DYNC1I1: variants seen among roughly 807,000 people sequenced by gnomAD.
DYNC1I1 encodes cytoplasmic dynein 1 intermediate chain 1.
Under a neutral mutation model 86.6 loss-of-function variants are expected in DYNC1I1, and 43 were observed. The ratio of observed to expected loss-of-function variants is 0.50; its 90% CI spans 0.39 to 0.64. The LOEUF (loss-of-function observed/expected upper bound fraction) is 0.64, where lower values mean the gene tolerates loss of function less well. DYNC1I1 is among the 30% of genes least tolerant of loss of function. DYNC1I1 has a pLI of 0.00. For synonymous variants in DYNC1I1, 262 were observed against 283.7 expected (o/e 0.92, Z 0.77); for missense variants, 604 against 788.8 (o/e 0.77, Z 2.81).
chr7:95,780,686 T>G (rs1325300886), intron 1 of DYNC1I1, among the ~76,000 whole-genome samples: 1 of 152,178 alleles, frequency 6.6e-6, no homozygotes, highest in African/African-American at 2.4e-5. Context: ...AGAAGTCCTC[T>G]CTTTCTGAAT....
At position 95,842,805 on chromosome 7, in the gene DYNC1I1, TGA is replaced by T. The variant is rs1441556980; in HGVS notation, c.374+14693_374+14694del. 5.9e-5 allele frequency among the ~76,000 whole-genome samples: 9 copies of T among 152,136 alleles called. No individual in the cohort carries two copies. In the East Asian group the frequency reaches 1.5e-3, roughly 26 times the overall value. On this transcript the variant is annotated intron_variant, in intron 5 of 16. Coordinates refer to ENST00000447467, the MANE Select transcript of DYNC1I1 (RefSeq NM_001135556.2). The stretch of plus-strand genomic sequence containing the variant: ...TTTATTTGATGCTCTATGGGTGGAG[TGA>T]GAGTTCTCAGCCTCCTATTCTGTTT...
chr7:95,896,340 G>A (rs989698023), intron 6 of DYNC1I1, among the ~76,000 whole-genome samples: 25 of 152,112 alleles, frequency 1.6e-4, no homozygotes, highest in African/African-American at 6.0e-4. Context: ...CAAAATATGA[G>A]GCAAAAGGGT....
chr7:96,020,002 A>C (rs1794502466), intron 10 of DYNC1I1, among the ~76,000 whole-genome samples: 1 of 151,884 alleles, frequency 6.6e-6, no homozygotes, highest in African/African-American at 2.4e-5. Flanking sequence ...CCTGTTCCAT[A>C]GGTAGGGCAA....
intron 6 of DYNC1I1, among the ~76,000 whole-genome samples, chr7:95,954,779 G>T (rs1314731823): frequency 1.3e-5 from 2 of 151,886 alleles, no homozygotes; most frequent in Non-Finnish European, 2.9e-5. Flanking sequence ...AGCCAGGCGT[G>T]GTGGCGGGCG....
At chr7:95,816,306 G>A (rs1401041622) in intron 4 of DYNC1I1, among the ~76,000 whole-genome samples, 1 of 152,198 alleles carries the variant, frequency 6.6e-6, no homozygotes, top group East Asian at 1.9e-4. Context: ...ATAGGCGTGA[G>A]CCACTGCACT....
rs1013894964 is a variant in DYNC1I1 at position 95,904,179 on chromosome 7, A to G, written c.490+34181A>G. 3.9e-5 allele frequency among the ~76,000 whole-genome samples: 6 copies of G among 152,176 alleles called. No homozygotes were observed. In the South Asian group the frequency reaches 6.2e-4, roughly 16 times the overall value. ...AAATCTGGCAACTGCATTATGGTGC[A>G]AGGGCATCACATCACAGAATCCACA... On this transcript the variant is annotated intron_variant, in intron 6 of 16. Coordinates refer to ENST00000447467, the MANE Select transcript of DYNC1I1 (RefSeq NM_001135556.2).
In DYNC1I1 at chr7:96,075,993, G is replaced by A. The variant is rs1043478435; in HGVS notation, c.1510-64G>A. 7.7e-6 allele frequency: 12 copies of A among 1,558,154 alleles called. No homozygotes were observed. In the Admixed American group the frequency reaches 1.4e-4, roughly 18 times the overall value. On this transcript the variant is annotated intron_variant, in intron 14 of 16. Transcript: ENST00000447467. ...GTGAATGTGCAAAGTTTTTAATTAG[G>A]CTCTCTAGACAGCCCGAGGCAGCAG... is the stretch of plus-strand genomic sequence containing the variant.
chr7:95,930,186 G>A (rs182826979), intron 6 of DYNC1I1, among the ~76,000 whole-genome samples: 2 of 152,308 alleles, frequency 1.3e-5, no homozygotes, highest in East Asian at 3.9e-4. Context: ...AATTGGTAAA[G>A]ATCAGAGAGC....
intron 6 of DYNC1I1, among the ~76,000 whole-genome samples, chr7:95,882,814 G>A (rs191134657): frequency 2.1e-4 from 32 of 152,230 alleles, no homozygotes; most frequent in Admixed American, 1.5e-3. Flanking sequence ...CTCTCCCTTC[G>A]TCTATTTAGG....
intron 6 of DYNC1I1, among the ~76,000 whole-genome samples, chr7:95,899,558 A>T (rs1790979730): frequency 6.6e-6 from 1 of 152,158 alleles, no homozygotes; most frequent in Non-Finnish European, 1.5e-5. Flanking sequence ...GACATTTTTT[A>T]TATATTAGCT....
intron 6 of DYNC1I1, among the ~76,000 whole-genome samples, chr7:95,908,168 C>T (rs570078924): frequency 2.4e-4 from 37 of 152,188 alleles, no homozygotes; most frequent in Non-Finnish European, 4.1e-4. Flanking sequence ...GGAGACTACC[C>T]GTGCAAGGAG....
chr7:95,860,247 G>T (rs1172141064), intron 5 of DYNC1I1, among the ~76,000 whole-genome samples: 1 of 151,998 alleles, frequency 6.6e-6, no homozygotes, highest in Non-Finnish European at 1.5e-5. Context: ...ATAGTGCTTT[G>T]CCCATCATTT....
chr7:95,987,200 G>A (rs368160757), intron 9 of DYNC1I1, 45 bp downstream of exon 9: 107 of 1,507,154 alleles, frequency 7.1e-5, no homozygotes, highest in Admixed American at 3.2e-4. Context: ...TTGTGTTCTC[G>A]TGGCATTTGT....
chr7:95,786,757 T>C (rs2115688688), intron 1 of DYNC1I1, among the ~76,000 whole-genome samples: 1 of 152,212 alleles, frequency 6.6e-6, no homozygotes, highest in South Asian at 2.1e-4. Context: ...CAAGGTAAAT[T>C]ATCCCATCCT....
At chr7:95,802,982 G>A (rs1794617401) in intron 1 of DYNC1I1, among the ~76,000 whole-genome samples, 3 of 152,040 alleles carry the variant, frequency 2.0e-5, no homozygotes, top group Admixed American at 2.0e-4. Context: ...TGCTTCCCCT[G>A]GCATACTCCA....
intron 9 of DYNC1I1, among the ~76,000 whole-genome samples, chr7:95,992,139 C>T (rs1332893876): frequency 2.6e-5 from 4 of 152,130 alleles, no homozygotes; most frequent in Non-Finnish European, 5.9e-5. Context: ...GGATTACAGG[C>T]ATGAGCTAGC....
intron 14 of DYNC1I1, 135 bp downstream of exon 14, chr7:96,039,556 T>G (rs2116038452): frequency 2.0e-6 from 2 of 979,556 alleles, no homozygotes; most frequent in Non-Finnish European, 1.5e-6. Context: ...TCTGGTGAGC[T>G]CAGTCTACCT....
At chr7:95,998,516 A>G (rs1267878694) in intron 10 of DYNC1I1, among the ~76,000 whole-genome samples, 1 of 152,162 alleles carries the variant, frequency 6.6e-6, no homozygotes, top group East Asian at 1.9e-4. Flanking sequence ...CTTCTATCCT[A>G]TCTGATCTTT....
chr7:96,084,319 G>GAA (rs5885940), intron 16 of DYNC1I1, among the ~76,000 whole-genome samples: 23,054 of 141,854 alleles, frequency 0.16, 2,170 homozygotes, highest in Middle Eastern at 0.26. Flanking sequence ...AGGCAAATCA[G>GAA]AAAAAAAAAA....
Sources: allele counts gnomAD v4.1 joint callset (sites outside exome capture counted in the v4.1 genomes callset), GRCh38; gene constraint gnomAD v4.1.1; transcripts MANE v1.5; gene names NCBI Gene and HGNC (gene_info 2026-07-23, HGNC 2026-07-21).